The following FOXN2 variants were observed in gnomAD, a reference collection of about 807,000 sequenced individuals.
The protein encoded by FOXN2 is forkhead box N2, also known as forkhead box protein N2.
Under a neutral mutation model 41.2 loss-of-function variants are expected in FOXN2, and 19 were observed. That is an observed-to-expected ratio of 0.46 (90% confidence interval 0.32 to 0.68). The LOEUF is 0.68. Ranked by LOEUF, FOXN2 falls within the 30% of genes least tolerant of loss-of-function variation. The pLI is 0.03. For synonymous variants in FOXN2, 195 were observed against 176.8 expected, an observed-to-expected ratio of 1.10 and a Z score of -0.82; for missense variants, 587 against 509.4, an observed-to-expected ratio of 1.15 and a Z score of -1.47.
chr2:48,373,855 G>C (rs1456966084), intron 6 of FOXN2, among the ~76,000 whole-genome samples: 4 of 152,120 alleles, frequency 2.6e-5, no homozygotes, highest in Non-Finnish European at 4.4e-5. Context: ...AGGAGTTCCA[G>C]ATCAGCCTGG....
intron 2 of FOXN2, among the ~76,000 whole-genome samples, chr2:48,341,717 T>C (rs976291349): frequency 1.3e-5 from 2 of 152,186 alleles, no homozygotes; most frequent in African/African-American, 2.4e-5. Context: ...TGAATGAGAA[T>C]TGTGTACCGT....
At chr2:48,331,419 C>A (rs1240015135) in intron 2 of FOXN2, among the ~76,000 whole-genome samples, 1 of 152,092 alleles carries the variant, frequency 6.6e-6, no homozygotes, top group Non-Finnish European at 1.5e-5. Flanking sequence ...ACTTTAAAAG[C>A]ACTTTTTAAA....
intron 5 of FOXN2, among the ~76,000 whole-genome samples, chr2:48,369,771 T>G (rs1672765613): frequency 6.6e-6 from 1 of 152,072 alleles, no homozygotes; most frequent in Admixed American, 6.5e-5. Context: ...TCCCAGCACT[T>G]TGGGAGCCTG....
intron 1 of FOXN2, among the ~76,000 whole-genome samples, chr2:48,324,146 A>G (rs1669512755): frequency 6.6e-6 from 1 of 152,070 alleles, no homozygotes; most frequent in South Asian, 2.1e-4. Flanking sequence ...AATGGAAAAC[A>G]TAGTATAACG....
intron 2 of FOXN2, among the ~76,000 whole-genome samples, chr2:48,337,812 A>G (rs561614414): frequency 9.2e-5 from 14 of 152,362 alleles, no homozygotes; most frequent in African/African-American, 2.4e-4. Flanking sequence ...ATTAATAACC[A>G]TAGCCACAAA....
intron 1 of FOXN2, among the ~76,000 whole-genome samples, chr2:48,317,052 A>G (rs777202733): frequency 3.1e-4 from 47 of 152,156 alleles, no homozygotes; most frequent in Admixed American, 3.3e-4. Flanking sequence ...TTTAGTTGAG[A>G]AAGAAAAGTA....
intron 2 of FOXN2, among the ~76,000 whole-genome samples, chr2:48,333,424 C>G (rs1670138446): frequency 1.3e-5 from 2 of 152,092 alleles, no homozygotes; most frequent in South Asian, 4.1e-4. Context: ...TTAGGTACTT[C>G]TGACATTATA....
intron 2 of FOXN2, among the ~76,000 whole-genome samples, chr2:48,329,076 C>T (rs1391592528): frequency 6.6e-6 from 1 of 152,028 alleles, no homozygotes; most frequent in Non-Finnish European, 1.5e-5. Flanking sequence ...GGATTGTGTA[C>T]TAGAGACTCA....
intron 1 of FOXN2, among the ~76,000 whole-genome samples, chr2:48,322,605 A>T (rs553258595): frequency 9.7e-4 from 147 of 151,060 alleles, no homozygotes; most frequent in Non-Finnish European, 1.7e-3. Flanking sequence ...TATCCAATAC[A>T]TTTTTTTCGT....
chr2:48,349,641 G>T (rs1003923656), intron 3 of FOXN2, among the ~76,000 whole-genome samples: 1 of 152,166 alleles, frequency 6.6e-6, no homozygotes, highest in African/African-American at 2.4e-5. Context: ...CAGACATGGT[G>T]GCATATGCCT....
At chr2:48,345,695 C>G (rs1407525262) in intron 2 of FOXN2, among the ~76,000 whole-genome samples, 1 of 151,862 alleles carries the variant, frequency 6.6e-6, no homozygotes, top group Non-Finnish European at 1.5e-5. Flanking sequence ...AAATAGTATA[C>G]ATAGTTTCTT....
upstream of FOXN2, among the ~76,000 whole-genome samples, chr2:48,314,390 C>T (rs1165090493): frequency 6.6e-6 from 1 of 152,238 alleles, no homozygotes; most frequent in Non-Finnish European, 1.5e-5. Context: ...CACCGGCCTA[C>T]AGCGCCTCCA....
Position 48,346,506 on chromosome 2 carries a change from C to T in FOXN2, c.292C>T (p.Pro98Ser). The T allele has an allele frequency of 6.2e-7, 1 of 1,614,044 alleles. No homozygotes were observed. The change falls in exon 3 of 7, where the codon CCA (proline) becomes TCA (serine). Residue 98 changes from proline to serine, a missense_variant. Physicochemically the swap from Pro to Ser is moderately conservative, Grantham distance 74 (BLOSUM62 -1). Coordinates refer to ENST00000340553, the MANE Select transcript of FOXN2 (RefSeq NM_002158.4). The stretch of plus-strand genomic sequence containing the variant: ...GGGAGATGATGTGCCATCCTTTGGA[C>T]CAGCTTGCTACCAGAACCCAGAAAA... Reference protein sequence around the residue: ...IEGDDVPSFGPACYQNPEKKS... With the variant: ...IEGDDVPSFGSACYQNPEKKS...
At chr2:48,343,633 C>G (rs1670909466) in intron 2 of FOXN2, among the ~76,000 whole-genome samples, 1 of 151,970 alleles carries the variant, frequency 6.6e-6, no homozygotes, top group Non-Finnish European at 1.5e-5. Flanking sequence ...ATGGTGTGTG[C>G]CTGTAGTCCC....
intron 6 of FOXN2, 87 bp downstream of exon 6, chr2:48,373,447 T>G: frequency 1.3e-6 from 1 of 767,372 alleles, no homozygotes; most frequent in Non-Finnish European, 2.2e-6. Flanking sequence ...CAGACAAAAA[T>G]TACTTCTTTC....
chr2:48,351,283 C>T (rs947860224), intron 3 of FOXN2, among the ~76,000 whole-genome samples: 3 of 147,062 alleles, frequency 2.0e-5, no homozygotes, highest in Non-Finnish European at 3.0e-5. Context: ...CAATGTTTTT[C>T]GTTTTGTTTT....
intron 4 of FOXN2, among the ~76,000 whole-genome samples, chr2:48,360,676 A>G (rs1672113355): frequency 1.3e-5 from 2 of 152,254 alleles, no homozygotes; most frequent in African/African-American, 4.8e-5. Flanking sequence ...TTACTTGGAA[A>G]TTGATATCTT....
chr2:48,346,416 C>A lies in FOXN2; in HGVS notation c.202C>A (p.Leu68Ile). The change falls in exon 3 of 7, where the codon CTT becomes ATT. Residue 68 changes from leucine to isoleucine, a missense_variant. Transcript: ENST00000340553. ...NLNWLHESTN[L>I]LTNFSLGSEG... ...GAACTGGCTTCATGAAAGCACTAAT[C>A]TTCTAACAAACTTCAGCCTCGGAAG... 6.2e-7 allele frequency: 1 copy of A among 1,614,190 alleles called. No homozygotes were observed. Among genetic ancestry groups the A allele is most frequent in the South Asian group, 1.1e-5 (1 of 91,088 alleles).
At chr2:48,363,258 A>G (rs1181958574) in intron 5 of FOXN2, among the ~76,000 whole-genome samples, 2 of 152,214 alleles carry the variant, frequency 1.3e-5, no homozygotes, top group Admixed American at 6.5e-5. Context: ...TTTTAACTAA[A>G]AAGTTTAAAA....
Sources: gnomAD v4.1 joint callset for allele counts (sites outside exome capture counted in the v4.1 genomes callset) on GRCh38, gnomAD v4.1.1 for gene constraint, MANE v1.5 for transcripts, NCBI Gene and HGNC (gene_info 2026-07-23, HGNC 2026-07-21) for gene names.